Variants in CDH3 observed in about 807,000 individuals in gnomAD.
CDH3 encodes the protein cadherin-3.
Under a neutral mutation model 82.0 loss-of-function variants are expected in CDH3, and 54 were observed. That is an observed-to-expected ratio of 0.66 (90% CI 0.53 to 0.83). The LOEUF (loss-of-function observed/expected upper bound fraction) is 0.83. Ranked by LOEUF, CDH3 falls within the 40% of genes least tolerant of loss-of-function variation. The probability of loss-of-function intolerance (pLI) is 0.00; values close to 1 mark genes in which losing one functional copy is unlikely to be tolerated. For synonymous variants in CDH3, 446 were observed against 437.9 expected (o/e 1.02, Z -0.23); for missense variants, 1,054 against 1,084.6 (o/e 0.97, Z 0.40).
chr16:68,714,551 A>G (rs892756472), intron 1 of CDH3, among the ~76,000 whole-genome samples: 9 of 152,134 alleles, frequency 5.9e-5, no homozygotes, highest in African/African-American at 2.2e-4. Flanking sequence ...TAGCATCTGT[A>G]TGAATACACC....
At chr16:68,731,047 A>ATAT (rs1262844091), downstream of CDH3, among the ~76,000 whole-genome samples, 1 of 26,348 alleles carries the variant, frequency 3.8e-5, no homozygotes, top group Admixed American at 7.8e-4. Flanking sequence ...AAAAAAAAAA[A>ATAT]ATATATATAT....
chr16:68,691,413 A>T (rs1683923548), intron 12 of CDH3, among the ~76,000 whole-genome samples: 1 of 152,194 alleles, frequency 6.6e-6, no homozygotes, highest in Non-Finnish European at 1.5e-5. Context: ...GCAGCCAATG[A>T]TGCAAAGAAG....
chr16:68,654,713 A>AAAAAAT (rs113117523), intron 2 of CDH3, among the ~76,000 whole-genome samples: 91 of 91,106 alleles, frequency 1.0e-3, no homozygotes, highest in African/African-American at 3.8e-3. Context: ...AAAAAAAAAA[A>AAAAAAT]ATATATATAT....
chr16:68,651,985 C>A, intron 2 of CDH3: 2 of 245,292 alleles, frequency 8.2e-6, no homozygotes, highest in Middle Eastern at 1.6e-3. Context: ...AGGACAGGAC[C>A]GACTAGAGGT....
At chr16:68,657,538 C>G (rs547604667) in intron 2 of CDH3, among the ~76,000 whole-genome samples, 40 of 152,098 alleles carry the variant, frequency 2.6e-4, no homozygotes, top group South Asian at 1.0e-3. Context: ...CTTCCTTTCT[C>G]CCTCGACCCC....
rs745743823 is a variant in CDH3, at chr16:68,687,553, CTGAT to C, written c.1617_1620del (p.Ile539MetfsTer26). 1.2e-6 allele frequency: 2 copies of C among 1,614,018 alleles called. No individual in the cohort carries two copies. The highest frequency in any genetic ancestry group is 2.2e-5 in the South Asian group (2 of 91,088). On this transcript the variant is annotated frameshift_variant, in exon 12 of 16. Coordinates refer to ENST00000264012, the MANE Select transcript of CDH3 (RefSeq NM_001793.6). LOFTEE classifies it high-confidence loss of function. ...TGGCACGGGAACCCTTCTGCTAACACTGATTGATGTCAATGACCATGGCCCAGTC... is the reference window on the plus strand; with the variant it reads ...TGGCACGGGAACCCTTCTGCTAACACTGATGTCAATGACCATGGCCCAGTC...
chr16:68,671,576 A>C (rs1960884425), intron 2 of CDH3, among the ~76,000 whole-genome samples: 1 of 125,566 alleles, frequency 8.0e-6, no homozygotes. Context: ...GGCTGGAGTG[A>C]GGTGGTGCGA....
In CDH3 at chr16:68,698,186, C is replaced by T. The variant is rs772143348; in HGVS notation, c.2281-5C>T. On this transcript the variant is annotated splice_region_variant and splice_polypyrimidine_tract_variant and intron_variant, in intron 15 of 15. Transcript: ENST00000264012. ...CTCCTAACTACCTGTTCTCTGTTGC[C>T]GCAGAACCTGAAGGCGGCTAACACA... 2.0e-5 allele frequency: 33 copies of T among 1,614,020 alleles called. No individual in the cohort carries two copies. The highest frequency in any genetic ancestry group is 5.5e-5 in the South Asian group (5 of 91,080).
intron 1 of CDH3, among the ~76,000 whole-genome samples, chr16:68,715,656 ATGT>A (rs1405195289): frequency 6.6e-6 from 1 of 152,192 alleles, no homozygotes; most frequent in Non-Finnish European, 1.5e-5. Context: ...TAATAAAGAC[ATGT>A]TGTTCTTTGC....
rs1960018575 is a variant in CDH3 at position 68,645,398 on chromosome 16, C to A, written c.19C>A (p.Pro7Thr). The A allele has an allele frequency of 3.7e-6, 6 of 1,613,504 alleles. No individual in the cohort carries two copies. Among genetic ancestry groups the A allele is most frequent in the Non-Finnish European group, 5.1e-6 (6 of 1,179,772 alleles). ...TGCAGCCATGGGGCTCCCTCGTGGA[C>A]CTCTCGCGTCTCTCCTCCTTCTCCA... MGLPRG[P>T]LASLLLLQVC... The change falls in exon 1 of 16, where the codon CCT becomes ACT. Residue 7 changes from proline to threonine, a missense_variant. By Grantham distance (38) the Pro-to-Thr change is conservative (BLOSUM62 -1). Transcript: ENST00000264012.
chr16:68,676,178 A>G (rs187633443), intron 2 of CDH3, among the ~76,000 whole-genome samples: 1 of 152,296 alleles, frequency 6.6e-6, no homozygotes, highest in African/African-American at 2.4e-5. Context: ...CCACCAGGCG[A>G]TCTTCCCTCT....
intron 2 of CDH3, among the ~76,000 whole-genome samples, chr16:68,650,564 G>A (rs12926228): frequency 0.34 from 51,120 of 152,104 alleles, 9,450 homozygotes; most frequent in East Asian, 0.54. Flanking sequence ...GCCTCCCAGA[G>A]TGCTGGGATT....
chr16:68,711,283 T>G (rs1962027385), intron 1 of CDH3, among the ~76,000 whole-genome samples: 1 of 150,626 alleles, frequency 6.6e-6, no homozygotes, highest in Non-Finnish European at 1.5e-5. Context: ...CACTCCAGCC[T>G]GGGCAACAAA....
intron 1 of CDH3, chr16:68,722,342 C>G (rs1042719626): frequency 2.6e-4 from 39 of 152,148 alleles, no homozygotes; most frequent in African/African-American, 8.9e-4. Context: ...TGGACAGTTA[C>G]TCTGGAGAAT....
intron 12 of CDH3, among the ~76,000 whole-genome samples, chr16:68,690,521 G>A (rs1961533707): frequency 6.6e-6 from 1 of 152,110 alleles, no homozygotes; most frequent in Non-Finnish European, 1.5e-5. Context: ...GCCAAGGCAG[G>A]AGAATCGCTT....
intron 11 of CDH3, among the ~76,000 whole-genome samples, chr16:68,686,923 G>A (rs1961427979): frequency 6.6e-6 from 1 of 152,198 alleles, no homozygotes; most frequent in African/African-American, 2.4e-5. Context: ...AGCCGAAATT[G>A]TGCCACTGCA....
At chr16:68,730,813 G>C (rs1233196289), downstream of CDH3, among the ~76,000 whole-genome samples, 6 of 151,212 alleles carry the variant, frequency 4.0e-5, no homozygotes, top group Non-Finnish European at 8.8e-5. Flanking sequence ...CTGAGGTCGG[G>C]AGTTCGAGAC....
intron 9 of CDH3, among the ~76,000 whole-genome samples, chr16:68,684,159 A>G (rs1487135924): frequency 6.6e-6 from 1 of 151,924 alleles, no homozygotes; most frequent in Non-Finnish European, 1.5e-5. Flanking sequence ...TGAGCCCAAG[A>G]AGGTCGAGGC....
At chr16:68,653,241 A>AT (rs1221541828) in intron 2 of CDH3, among the ~76,000 whole-genome samples, 57 of 139,388 alleles carry the variant, frequency 4.1e-4, no homozygotes, top group African/African-American at 1.4e-3. Flanking sequence ...ATTTTATTTT[A>AT]TTTTATTTTA....
Sources: allele counts gnomAD v4.1 joint callset (sites outside exome capture counted in the v4.1 genomes callset), GRCh38; gene constraint gnomAD v4.1.1; transcripts MANE v1.5; gene names NCBI Gene and HGNC (gene_info 2026-07-23, HGNC 2026-07-21).